Variants in FRMD4B observed in about 807,000 individuals in gnomAD.
The protein encoded by FRMD4B is FERM domain-containing protein 4B.
In FRMD4B, 74 loss-of-function variants were observed where a neutral mutation model predicts 141.5. The observed-to-expected ratio is 0.52, with a 90% CI of 0.43 to 0.63. The LOEUF is 0.63. FRMD4B is among the 30% of genes least tolerant of loss of function. The pLI is 0.00. For synonymous variants in FRMD4B, 506 were observed against 467.9 expected (o/e 1.08, Z -1.05); for missense variants, 1,366 against 1,253.4 (o/e 1.09, Z -1.36).
chr3:69,475,176 C>G (rs1002096930), intron 1 of FRMD4B, among the ~76,000 whole-genome samples: 1 of 151,802 alleles, frequency 6.6e-6, no homozygotes, highest in Non-Finnish European at 1.5e-5. Context: ...ATTTCCTGAC[C>G]TGTGTTTCTA....
Position 69,287,848 on chromosome 3 carries a change from CA to C in FRMD4B, c.417-13del. 1 of 1,358,774 alleles carries C rather than the reference CA, an allele frequency of 7.4e-7. No individual in the cohort carries two copies. The highest frequency in any genetic ancestry group is 1.2e-5 in the South Asian group (1 of 80,686). 84.2% of individuals were successfully genotyped at this position (1,358,774 alleles called of 1,614,324 possible). On this transcript the variant is annotated splice_polypyrimidine_tract_variant and intron_variant, in intron 4 of 22. Coordinates refer to ENST00000398540, the MANE Select transcript of FRMD4B (RefSeq NM_015123.3). ...TCTCAATGTAAAACCTGAAAAACAG[CA>C]GAGGAGTTTGTTCCTTCAGATTTAT...
At chr3:69,236,586 T>A (rs557589341) in intron 7 of FRMD4B, among the ~76,000 whole-genome samples, 1 of 152,270 alleles carries the variant, frequency 6.6e-6, no homozygotes, top group East Asian at 1.9e-4. Flanking sequence ...ACTCCAGTCA[T>A]TTTCGGCAGA....
intron 20 of FRMD4B, among the ~76,000 whole-genome samples, chr3:69,181,927 C>G (rs2107597588): frequency 6.6e-6 from 1 of 152,166 alleles, no homozygotes; most frequent in East Asian, 1.9e-4. Context: ...AAAGAGCTGG[C>G]TTCTGTTAGT....
At chr3:69,292,067 A>G (rs1700893811) in intron 4 of FRMD4B, among the ~76,000 whole-genome samples, 2 of 152,188 alleles carry the variant, frequency 1.3e-5, no homozygotes, top group Non-Finnish European at 2.9e-5. Context: ...CCATGACTCA[A>G]ACTGAGGTCT....
intron 7 of FRMD4B, among the ~76,000 whole-genome samples, chr3:69,230,990 T>C (rs1037721324): frequency 2.0e-5 from 3 of 152,018 alleles, no homozygotes; most frequent in African/African-American, 7.2e-5. Flanking sequence ...AAAATGAAAC[T>C]AGAAACAATC....
chr3:69,414,017 A>C (rs971456821), intron 2 of FRMD4B, among the ~76,000 whole-genome samples: 1 of 152,178 alleles, frequency 6.6e-6, no homozygotes, highest in Admixed American at 6.5e-5. Flanking sequence ...ATTCTTACTA[A>C]GGATGATGCT....
intron 1 of FRMD4B, among the ~76,000 whole-genome samples, chr3:69,350,377 G>A (rs570743573): frequency 5.3e-5 from 8 of 152,172 alleles, no homozygotes; most frequent in Non-Finnish European, 1.2e-4. Flanking sequence ...CTGTTGGTGG[G>A]ACTGTAAACT....
At chr3:69,484,366 A>T (rs546880329) in intron 1 of FRMD4B, among the ~76,000 whole-genome samples, 1 of 152,276 alleles carries the variant, frequency 6.6e-6, no homozygotes, top group South Asian at 2.1e-4. Context: ...ATATATTTGT[A>T]CCAGGTGCTA....
intron 1 of FRMD4B, among the ~76,000 whole-genome samples, chr3:69,378,666 G>C (rs1420950891): frequency 6.6e-6 from 1 of 152,108 alleles, no homozygotes; most frequent in Non-Finnish European, 1.5e-5. Flanking sequence ...ACGGCTGCCA[G>C]TGGTATTTCT....
At chr3:69,418,627 G>C (rs1704915277) in intron 2 of FRMD4B, among the ~76,000 whole-genome samples, 2 of 152,190 alleles carry the variant, frequency 1.3e-5, no homozygotes, top group Admixed American at 1.3e-4. Flanking sequence ...GGAACTGCAG[G>C]TGGCTTCCAG....
intron 2 of FRMD4B, among the ~76,000 whole-genome samples, chr3:69,424,854 G>C (rs1705050752): frequency 6.6e-6 from 1 of 152,204 alleles, no homozygotes; most frequent in African/African-American, 2.4e-5. Flanking sequence ...CTAAAATAAT[G>C]AATGTAAGAT....
chr3:69,245,593 T>A (rs939976059), intron 7 of FRMD4B, among the ~76,000 whole-genome samples: 2 of 152,008 alleles, frequency 1.3e-5, no homozygotes, highest in African/African-American at 4.8e-5. Flanking sequence ...GTGATCCGCC[T>A]ATCTCGGCCT....
At chr3:69,320,996 A>G (rs1443578732) in intron 1 of FRMD4B, 1 of 152,274 alleles carries the variant, frequency 6.6e-6, no homozygotes, top group East Asian at 1.9e-4. Context: ...CAGTGGTTAA[A>G]TGAGGAAGAT....
chr3:69,222,424 G>C (rs2093205016), intron 8 of FRMD4B, among the ~76,000 whole-genome samples: 1 of 130,844 alleles, frequency 7.6e-6, no homozygotes, highest in African/African-American at 2.8e-5. Context: ...CCGAGATTGA[G>C]CCATTGCACT....
chr3:69,222,854 GAATAT>G (rs1479925611), intron 8 of FRMD4B, among the ~76,000 whole-genome samples: 1 of 152,186 alleles, frequency 6.6e-6, no homozygotes, highest in Non-Finnish European at 1.5e-5. Context: ...TAATTGGATG[GAATAT>G]AATACACATA....
intron 1 of FRMD4B, among the ~76,000 whole-genome samples, chr3:69,345,105 G>T (rs899083738): frequency 6.6e-6 from 1 of 152,144 alleles, no homozygotes; most frequent in African/African-American, 2.4e-5. Flanking sequence ...AGCTGTGACA[G>T]ATGGCACCTG....
At chr3:69,462,760 G>C (rs560790726) in intron 1 of FRMD4B, among the ~76,000 whole-genome samples, 6 of 152,354 alleles carry the variant, frequency 3.9e-5, no homozygotes, top group African/African-American at 1.4e-4. Flanking sequence ...CTCTGCCACA[G>C]TCACCAACTG....
chr3:69,420,075 T>C (rs912623447), intron 2 of FRMD4B, among the ~76,000 whole-genome samples: 5 of 152,148 alleles, frequency 3.3e-5, no homozygotes, highest in African/African-American at 4.8e-5. Context: ...CAGGCTGCTC[T>C]TGAAATCCTG....
At chr3:69,469,584 A>T (rs1194076668) in intron 1 of FRMD4B, among the ~76,000 whole-genome samples, 1 of 152,192 alleles carries the variant, frequency 6.6e-6, no homozygotes, top group Non-Finnish European at 1.5e-5. Context: ...TCTTTTCCTC[A>T]GTTAAACTGC....
Sources: allele counts gnomAD v4.1 joint callset (sites outside exome capture counted in the v4.1 genomes callset), GRCh38; gene constraint gnomAD v4.1.1; transcripts MANE v1.5; gene names NCBI Gene and HGNC (gene_info 2026-07-23, HGNC 2026-07-21).